Variants in RBFOX1 observed in about 807,000 individuals in gnomAD.
RBFOX1 encodes RNA binding protein fox-1 homolog 1.
RBFOX1 carries 8 observed loss-of-function variants against 57.7 expected under a neutral mutation model. The ratio of observed to expected loss-of-function variants is 0.14; its 90% CI spans 0.08 to 0.25. The LOEUF is 0.25. Ranked by LOEUF, RBFOX1 falls within the 10% of genes least tolerant of loss-of-function variation. RBFOX1 has a pLI of 1.00. For missense variants in RBFOX1, 611 were observed against 548.5 expected (o/e 1.11, Z -1.14); for synonymous variants, 326 against 222.4 (o/e 1.47, Z -4.15).
At chr16:7,026,750 G>A (rs1427877329) in intron 3 of RBFOX1, among the ~76,000 whole-genome samples, 1 of 152,132 alleles carries the variant, frequency 6.6e-6, no homozygotes, top group African/African-American at 2.4e-5. Context: ...CCAATTCCGA[G>A]GCCTCAACTT....
intron 4 of RBFOX1, among the ~76,000 whole-genome samples, chr16:7,327,876 C>G (rs1234858677): frequency 3.3e-5 from 5 of 152,020 alleles, no homozygotes; most frequent in African/African-American, 1.2e-4. Context: ...CTTCTGTGGA[C>G]TGGACTTGGT....
Position 7,709,104 on chromosome 16 carries a change from A to C in RBFOX1, c.1044A>C (p.Pro348=). 1 of 1,613,614 alleles carries C rather than the reference A, an allele frequency of 6.2e-7. No homozygotes were observed. The highest frequency in any genetic ancestry group is 8.5e-7 in the Non-Finnish European group (1 of 1,179,752). ...ACCCCTACCACCACGCACTTGCTCCAGCCCCCACCTACGGCGTTGGTGCCA... is the reference window on the plus strand; with the variant it reads ...ACCCCTACCACCACGCACTTGCTCCCGCCCCCACCTACGGCGTTGGTGCCA... ...AADPYHHALA[P]APTYGVGAMN... Residue 348 remains proline (P), a synonymous_variant, in exon 15 of 16, where the codon CCA becomes CCC. Transcript: ENST00000550418.
At chr16:7,346,460 T>G (rs150525878) in intron 4 of RBFOX1, among the ~76,000 whole-genome samples, 2 of 152,252 alleles carry the variant, frequency 1.3e-5, no homozygotes, top group Non-Finnish European at 2.9e-5. Flanking sequence ...TTTGATAATG[T>G]CTCTGCTTTC....
At chr16:7,340,137 A>G (rs1175112765) in intron 4 of RBFOX1, among the ~76,000 whole-genome samples, 1 of 152,240 alleles carries the variant, frequency 6.6e-6, no homozygotes, top group Non-Finnish European at 1.5e-5. Flanking sequence ...CAGCCCCAAG[A>G]AAGCTGCATA....
At chr16:5,502,796 C>G (rs1447374779) in intron 2 of RBFOX1, among the ~76,000 whole-genome samples, 3 of 152,176 alleles carry the variant, frequency 2.0e-5, no homozygotes, top group Admixed American at 6.5e-5. Flanking sequence ...CAGACCATCT[C>G]CCGTCAGTTC....
At chr16:5,551,606 G>A (rs2045467473) in intron 2 of RBFOX1, among the ~76,000 whole-genome samples, 1 of 152,190 alleles carries the variant, frequency 6.6e-6, no homozygotes. Flanking sequence ...GTGATTCGGT[G>A]TGTGTCCCCT....
intron 1 of RBFOX1, among the ~76,000 whole-genome samples, chr16:6,171,014 A>G (rs111546102): frequency 0.044 from 6,682 of 152,266 alleles, 203 homozygotes; most frequent in Non-Finnish European, 0.064. Flanking sequence ...GGTTGATGCC[A>G]TGTCTTTGCT....
At chr16:7,622,831 T>G (rs549352378) in intron 10 of RBFOX1, among the ~76,000 whole-genome samples, 8 of 152,308 alleles carry the variant, frequency 5.3e-5, no homozygotes, top group African/African-American at 1.9e-4. Context: ...TCCCTATACT[T>G]AAAACTCTAC....
chr16:6,479,815 C>T lies in RBFOX1; in HGVS notation c.-64+162758C>T, dbSNP rs182665587. Among the ~76,000 whole-genome samples, 650 of 151,414 alleles carry T rather than the reference C, an allele frequency of 4.3e-3. 4 individuals are homozygous for T. Among genetic ancestry groups the T allele is most frequent in the African/African-American group, 0.015 (613 of 41,266 alleles). Reference sequence around the variant, plus strand: ...CTGTAATCCCAGCACTTTGGGAGGCCGAGGCAGGCAGATCATTTGAGGTCA... The same window carrying T: ...CTGTAATCCCAGCACTTTGGGAGGCTGAGGCAGGCAGATCATTTGAGGTCA... On this transcript the variant is annotated intron_variant, in intron 2 of 15. Coordinates refer to ENST00000550418, the MANE Select transcript of RBFOX1 (RefSeq NM_018723.4).
chr16:7,139,176 C>CTGTG (rs1388063094), intron 4 of RBFOX1, among the ~76,000 whole-genome samples: 30 of 145,908 alleles, frequency 2.1e-4, no homozygotes, highest in African/African-American at 5.9e-4. Context: ...CAATCTCTCT[C>CTGTG]TGTGTGTGTG....
intron 4 of RBFOX1, among the ~76,000 whole-genome samples, chr16:7,415,102 C>G (rs2098465750): frequency 6.6e-6 from 1 of 152,182 alleles, no homozygotes; most frequent in South Asian, 2.1e-4. Context: ...TTAGCAGTAC[C>G]AACTGTAATC....
At chr16:5,516,511 A>C (rs888288606) in intron 2 of RBFOX1, among the ~76,000 whole-genome samples, 8 of 152,248 alleles carry the variant, frequency 5.3e-5, no homozygotes, top group African/African-American at 1.9e-4. Context: ...CACATTTCAG[A>C]AGAATAGTGA....
At position 6,019,110 on chromosome 16, in the gene RBFOX1, C is replaced by T; in HGVS notation, c.-1009C>T. 1.0e-6 allele frequency: 1 copy of T among 985,016 alleles called. No individual in the cohort carries two copies. Among genetic ancestry groups the T allele is most frequent in the Non-Finnish European group, 1.2e-6 (1 of 829,908 alleles). The allele number at this position is 985,016 out of a possible 1,614,324, so 61.0% of individuals were successfully genotyped here. ...AGACACACACGCACACACACACATG[C>T]ACACATTTTCTCGCGCTCTCTCCGG... is the stretch of plus-strand genomic sequence containing the variant. On this transcript the variant is annotated 5_prime_UTR_variant, in exon 1 of 16. Transcript: ENST00000550418. This position sits in a 1 kb window ranked among gnomAD's most constrained non-coding sequence, Gnocchi z 4.2.
intron 1 of RBFOX1, among the ~76,000 whole-genome samples, chr16:6,256,149 A>ATATATG (rs1258929792): frequency 0.14 from 9,424 of 65,152 alleles, 1,392 homozygotes; most frequent in African/African-American, 0.3. Context: ...GTGTGTATAT[A>ATATATG]TATATATATG....
intron 3 of RBFOX1, among the ~76,000 whole-genome samples, chr16:6,791,454 A>T (rs2082923598): frequency 6.6e-6 from 1 of 152,160 alleles, no homozygotes; most frequent in Non-Finnish European, 1.5e-5. Flanking sequence ...AAAGAACTTC[A>T]AGATGGCGAA....
chr16:7,638,738 T>C (rs2062216940), intron 11 of RBFOX1, among the ~76,000 whole-genome samples: 1 of 152,190 alleles, frequency 6.6e-6, no homozygotes, highest in South Asian at 2.1e-4. Flanking sequence ...GCCATAGACT[T>C]CTAGGTTGAA....
intron 2 of RBFOX1, among the ~76,000 whole-genome samples, chr16:6,488,219 A>T (rs1468804293): frequency 6.6e-6 from 1 of 152,104 alleles, no homozygotes; most frequent in Non-Finnish European, 1.5e-5. Context: ...AGTACTGTGG[A>T]TGTATTTCTT....
intron 3 of RBFOX1, among the ~76,000 whole-genome samples, chr16:6,673,519 T>C (rs1489108552): frequency 6.6e-6 from 1 of 151,998 alleles, no homozygotes; most frequent in Non-Finnish European, 1.5e-5. Context: ...ACCCAGGAGG[T>C]GGAGGTTGCA....
intron 1 of RBFOX1, among the ~76,000 whole-genome samples, chr16:5,352,186 T>C (rs1308297652): frequency 1.3e-5 from 2 of 152,190 alleles, no homozygotes; most frequent in Non-Finnish European, 2.9e-5. Context: ...CGGATGCTGC[T>C]TCCCTCTCAT....
Sources: gnomAD v4.1 joint callset for allele counts (sites outside exome capture counted in the v4.1 genomes callset) on GRCh38, gnomAD v4.1.1 for gene constraint, Gnocchi (gnomAD v3.1) non-coding constraint, MANE v1.5 for transcripts, NCBI Gene and HGNC (gene_info 2026-07-23, HGNC 2026-07-21) for gene names.